The following USP50 variants were observed in gnomAD, a reference collection of about 807,000 sequenced individuals.
The protein encoded by USP50 is ubiquitin specific peptidase 50, also known as ubiquitin carboxyl-terminal hydrolase 50.
Under a neutral mutation model 39.2 loss-of-function variants are expected in USP50, and 37 were observed. The ratio of observed to expected loss-of-function variants is 0.94; its 90% CI spans 0.73 to 1.24. The LOEUF (loss-of-function observed/expected upper bound fraction) is 1.24. Among genes scored for constraint, USP50 ranks in the 50% most tolerant of loss-of-function variants. The pLI is 0.00. For missense variants in USP50, 374 were observed against 398.2 expected (o/e 0.94, Z 0.52); for synonymous variants, 139 against 144.5 (o/e 0.96, Z 0.27).
downstream of USP50, chr15:50,500,358 GAT>G (rs2052561263): frequency 6.3e-6 from 1 of 158,232 alleles, no homozygotes; most frequent in Non-Finnish European, 1.4e-5. Flanking sequence ...ATGATTATGA[GAT>G]ATTTTCTGAT....
chr15:50,517,107 C>G (rs949694660), intron 6 of USP50, among the ~76,000 whole-genome samples: 1 of 152,138 alleles, frequency 6.6e-6, no homozygotes, highest in African/African-American at 2.4e-5. Flanking sequence ...ACAGAATAAA[C>G]ATTATTCTCA....
downstream of USP50, among the ~76,000 whole-genome samples, chr15:50,496,294 A>G (rs1316327625): frequency 3.9e-5 from 6 of 152,064 alleles, no homozygotes; most frequent in African/African-American, 1.4e-4. Flanking sequence ...ATCCTGGATA[A>G]CACGGTGAAA....
intron 5 of USP50, among the ~76,000 whole-genome samples, chr15:50,533,489 C>G (rs1477141200): frequency 5.9e-5 from 9 of 151,870 alleles, no homozygotes; most frequent in African/African-American, 2.2e-4. Flanking sequence ...AAAAAACACA[C>G]CTATAGAGGA....
chr15:50,545,241 T>C (rs903652603), intron 1 of USP50, among the ~76,000 whole-genome samples: 1 of 152,048 alleles, frequency 6.6e-6, no homozygotes, highest in Non-Finnish European at 1.5e-5. Context: ...TTATTAATAG[T>C]TAATAAAACA....
chr15:50,531,502 C>G (rs939877627), intron 5 of USP50, among the ~76,000 whole-genome samples: 1 of 150,822 alleles, frequency 6.6e-6, no homozygotes, highest in Admixed American at 6.6e-5. Flanking sequence ...ATTATAGGGA[C>G]GGAAATCAGA....
chr15:50,546,404 C>G, intron 1 of USP50, 69 bp downstream of exon 1: 1 of 1,556,008 alleles, frequency 6.4e-7, no homozygotes, highest in Non-Finnish European at 8.9e-7. Flanking sequence ...TGTGTGTCCC[C>G]TGACTCCTCT....
At chr15:50,540,996 T>C (rs1407886588) in intron 4 of USP50, 53 bp downstream of exon 4, 1 of 1,393,536 alleles carries the variant, frequency 7.2e-7, no homozygotes, top group African/African-American at 1.4e-5. Context: ...CCCGAGAAAA[T>C]CCGGGGCTGA....
chr15:50,533,356 G>A (rs2052956765), intron 5 of USP50, among the ~76,000 whole-genome samples: 1 of 151,946 alleles, frequency 6.6e-6, no homozygotes. Flanking sequence ...CACAGATACA[G>A]GAAGCTCAGA....
At chr15:50,535,291 C>T (rs866855802) in intron 5 of USP50, among the ~76,000 whole-genome samples, 13 of 152,164 alleles carry the variant, frequency 8.5e-5, no homozygotes, top group Admixed American at 2.0e-4. Context: ...TTAAACTCAA[C>T]GACACCATCT....
At chr15:50,508,039 T>C (rs1009828351) in intron 6 of USP50, 14 of 129,450 alleles carry the variant, frequency 1.1e-4, no homozygotes, top group African/African-American at 3.9e-4. Context: ...CAGTGCACTC[T>C]AGCCCGGGCG....
At chr15:50,508,553 T>C (rs1222676293) in intron 6 of USP50, 1 of 152,124 alleles carries the variant, frequency 6.6e-6, no homozygotes, top group Non-Finnish European at 1.5e-5. Context: ...CACTGGACAC[T>C]CAGTTTAAAA....
intron 1 of USP50, among the ~76,000 whole-genome samples, chr15:50,495,484 G>GGC (rs1555392685): frequency 8.7e-6 from 1 of 115,408 alleles, no homozygotes; most frequent in Admixed American, 7.9e-5. Flanking sequence ...AGTAGAGATT[G>GGC]GAGGGGGGGG....
At chr15:50,532,045 G>A (rs1320475469) in intron 5 of USP50, 1 of 446,030 alleles carries the variant, frequency 2.2e-6, no homozygotes, top group Non-Finnish European at 4.5e-6. Context: ...AACCTCTGAG[G>A]GAACAGGTCT....
intron 6 of USP50, among the ~76,000 whole-genome samples, chr15:50,525,536 A>ATATGTATATGTATATATG (rs1162069920): frequency 5.0e-4 from 42 of 84,114 alleles, no homozygotes; most frequent in African/African-American, 2.2e-3. Context: ...GTATATGTAT[A>ATATGTATATGTATATATG]TGTATATATG....
chr15:50,540,248 G>A (rs879415058), intron 4 of USP50, among the ~76,000 whole-genome samples: 10 of 152,100 alleles, frequency 6.6e-5, no homozygotes, highest in East Asian at 1.9e-4. Context: ...AACTTTTGGC[G>A]TTGTGGTGAA....
At chr15:50,500,905 A>G in intron 6 of USP50, 68 bp from the exon 7 acceptor site, 2 of 1,253,418 alleles carry the variant, frequency 1.6e-6, no homozygotes, top group East Asian at 2.5e-5. Flanking sequence ...CAGAAATGAT[A>G]GGGCCAAGAG....
downstream of USP50, chr15:50,496,218 T>G (rs1029800798): frequency 1.5e-6 from 1 of 685,660 alleles, no homozygotes; most frequent in East Asian, 2.8e-5. Context: ...CAGTGGCTCA[T>G]ACCTTGTACT....
downstream of USP50, chr15:50,493,335 A>G: frequency 1.9e-6 from 1 of 520,232 alleles, no homozygotes. Flanking sequence ...ATTTTGGTGT[A>G]GGGCTACAGT....
At chr15:50,537,861 A>C (rs2052991572) in intron 5 of USP50, among the ~76,000 whole-genome samples, 2 of 75,662 alleles carry the variant, frequency 2.6e-5, no homozygotes, top group Non-Finnish European at 5.0e-5. Context: ...ACTGAAGAAA[A>C]GAGGGGAGGG....
Sources: gnomAD v4.1 joint callset for allele counts (sites outside exome capture counted in the v4.1 genomes callset) on GRCh38, gnomAD v4.1.1 for gene constraint, MANE v1.5 for transcripts, NCBI Gene and HGNC (gene_info 2026-07-23, HGNC 2026-07-21) for gene names.